PDE8B: variants seen among roughly 807,000 people sequenced by gnomAD.
The protein encoded by PDE8B is high affinity cAMP-specific and IBMX-insensitive 3',5'-cyclic phosphodiesterase 8B.
In PDE8B, 26 loss-of-function variants were observed where a neutral mutation model predicts 101.3. That is an observed-to-expected ratio of 0.26 (90% confidence interval 0.19 to 0.36). PDE8B has a LOEUF of 0.36. PDE8B is among the 10% of genes least tolerant of loss of function. The probability of loss-of-function intolerance (pLI) is 1.00; values close to 1 mark genes in which losing one functional copy is unlikely to be tolerated. For missense variants in PDE8B, 810 were observed against 1,163.1 expected (o/e 0.70, Z 4.42); for synonymous variants, 424 against 429.3 (o/e 0.99, Z 0.15).
intron 1 of PDE8B, among the ~76,000 whole-genome samples, chr5:77,236,734 T>C (rs551251289): frequency 6.6e-6 from 1 of 152,278 alleles, no homozygotes; most frequent in African/African-American, 2.4e-5. Context: ...GAGGAGTTTT[T>C]CCACAAAGGA....
At chr5:77,405,426 G>A (rs1269517401) in intron 12 of PDE8B, among the ~76,000 whole-genome samples, 2 of 152,182 alleles carry the variant, frequency 1.3e-5, no homozygotes, top group Non-Finnish European at 2.9e-5. Flanking sequence ...GCTAGGTTGG[G>A]GGTTAAGGAG....
At chr5:77,140,199 G>C in the PDE8B span, 2 of 152,070 alleles carry the variant, frequency 1.3e-5, no homozygotes, top group Admixed American at 1.3e-4. Flanking sequence ...CATGGGCTTG[G>C]CTTCAAGTTT....
chr5:77,403,170 G>A (rs1399164946), intron 11 of PDE8B, among the ~76,000 whole-genome samples: 2 of 152,100 alleles, frequency 1.3e-5, no homozygotes, highest in African/African-American at 4.8e-5. Context: ...GCGCTCACTG[G>A]TGGCATATGC....
intron 10 of PDE8B, among the ~76,000 whole-genome samples, chr5:77,370,942 C>T (rs929399706): frequency 8.5e-5 from 13 of 152,102 alleles, no homozygotes; most frequent in South Asian, 4.1e-4. Flanking sequence ...TAAATGTCAT[C>T]TTTTGTAAAG....
chr5:77,096,633 C>T, the PDE8B span, among the ~76,000 whole-genome samples: 1 of 152,170 alleles, frequency 6.6e-6, no homozygotes. Flanking sequence ...CCACTGGGCT[C>T]TTCCTCTCAG....
At chr5:77,109,355 A>G in the PDE8B span, among the ~76,000 whole-genome samples, 2 of 152,224 alleles carry the variant, frequency 1.3e-5, no homozygotes, top group Non-Finnish European at 2.9e-5. Context: ...AGGCTCTGGA[A>G]ACTTTGACCA....
intron 12 of PDE8B, among the ~76,000 whole-genome samples, 191 bp from the exon 13 acceptor site, chr5:77,407,190 C>G (rs976265244): frequency 1.3e-5 from 2 of 152,186 alleles, no homozygotes; most frequent in Non-Finnish European, 2.9e-5. Context: ...CAGGCCAGAT[C>G]GCCTTTCCAG....
At chr5:77,155,463 T>G in the PDE8B span, among the ~76,000 whole-genome samples, 1 of 152,176 alleles carries the variant, frequency 6.6e-6, no homozygotes. Context: ...AAAGACTCAT[T>G]TCTATAAAGA....
At chr5:77,349,313 T>C (rs1242803139) in intron 7 of PDE8B, 106 bp from the exon 8 acceptor site, 2 of 1,462,652 alleles carry the variant, frequency 1.4e-6, no homozygotes, top group Non-Finnish European at 9.5e-7. Flanking sequence ...AACTTCTTGC[T>C]TGATATTCCT....
At chr5:77,353,918 A>T (rs1259385264) in intron 10 of PDE8B, among the ~76,000 whole-genome samples, 1 of 152,210 alleles carries the variant, frequency 6.6e-6, no homozygotes, top group South Asian at 2.1e-4. Flanking sequence ...TTTGTAATGG[A>T]GGGCAACATT....
At chr5:77,344,046 GAT>G (rs1779714406) in intron 6 of PDE8B, among the ~76,000 whole-genome samples, 1 of 152,104 alleles carries the variant, frequency 6.6e-6, no homozygotes, top group South Asian at 2.1e-4. Flanking sequence ...CACCTTCTAT[GAT>G]AACAATGCCT....
intron 10 of PDE8B, among the ~76,000 whole-genome samples, chr5:77,382,840 A>G (rs1286227328): frequency 6.6e-6 from 1 of 152,096 alleles, no homozygotes; most frequent in Non-Finnish European, 1.5e-5. Flanking sequence ...TCTATCAGTG[A>G]TGGGCATTTG....
At chr5:77,282,467 G>C (rs1356305400) in intron 1 of PDE8B, among the ~76,000 whole-genome samples, 1 of 152,124 alleles carries the variant, frequency 6.6e-6, no homozygotes, top group African/African-American at 2.4e-5. Context: ...GTTTGGATTT[G>C]TTTGCTGATC....
chr5:77,317,066 G>A (rs377020302), intron 2 of PDE8B, among the ~76,000 whole-genome samples: 28 of 152,164 alleles, frequency 1.8e-4, no homozygotes, highest in African/African-American at 3.4e-4. Flanking sequence ...TATGTTCAGG[G>A]CTCTATGCTA....
rs1269964886 is a variant in PDE8B, at chr5:77,259,746, G to T, written c.339+48482G>T. Among the ~76,000 whole-genome samples, 4 of 152,220 alleles carry T rather than the reference G, an allele frequency of 2.6e-5. No individual in the cohort carries two copies. The East Asian group carries it at 7.7e-4, about 29-fold the overall frequency. ...AGATGGGAGGTGAGCTCAGGGTGGT[G>T]GGGGTATGTTTCCCACATCCTGGCA... On this transcript the variant is annotated intron_variant, in intron 1 of 21. Coordinates refer to ENST00000264917, the MANE Select transcript of PDE8B (RefSeq NM_003719.5).
intron 1 of PDE8B, among the ~76,000 whole-genome samples, chr5:77,223,759 A>G (rs965472172): frequency 6.6e-6 from 1 of 152,036 alleles, no homozygotes; most frequent in African/African-American, 2.4e-5. Flanking sequence ...CAGGTAGGAG[A>G]TACTGGCAGG....
the PDE8B span, among the ~76,000 whole-genome samples, chr5:77,201,254 T>G: frequency 6.6e-6 from 1 of 152,202 alleles, no homozygotes; most frequent in Non-Finnish European, 1.5e-5. Flanking sequence ...TGGCAGAAAC[T>G]GTTTACTTAG....
At chr5:77,259,394 C>G (rs1338357735) in intron 1 of PDE8B, among the ~76,000 whole-genome samples, 1 of 152,130 alleles carries the variant, frequency 6.6e-6, no homozygotes. Flanking sequence ...AAGGGCAGCT[C>G]CAGGCAGCTC....
intron 17 of PDE8B, among the ~76,000 whole-genome samples, chr5:77,414,484 G>A (rs1436713365): frequency 6.6e-6 from 1 of 151,910 alleles, no homozygotes; most frequent in Non-Finnish European, 1.5e-5. Flanking sequence ...GCAGTGGCAC[G>A]ATCTCAGCTC....
Sources: gnomAD v4.1 joint callset for allele counts (sites outside exome capture counted in the v4.1 genomes callset) on GRCh38, gnomAD v4.1.1 for gene constraint, MANE v1.5 for transcripts, NCBI Gene and HGNC (gene_info 2026-07-23, HGNC 2026-07-21) for gene names.